The following GRM4 variants were observed in gnomAD, a reference collection of about 807,000 sequenced individuals.
GRM4 encodes the protein glutamate metabotropic receptor 4.
GRM4 carries 28 observed loss-of-function variants against 81.7 expected under a neutral mutation model. That is an observed-to-expected ratio of 0.34 (90% CI 0.25 to 0.47). The LOEUF (loss-of-function observed/expected upper bound fraction) is 0.47, where lower values mean the gene tolerates loss of function less well. Ranked by LOEUF, GRM4 falls within the 20% of genes least tolerant of loss-of-function variation. The pLI is 1.00. For synonymous variants in GRM4, 488 were observed against 528.8 expected (o/e 0.92, Z 1.06); for missense variants, 948 against 1,290.0 (o/e 0.73, Z 4.06).
At chr6:34,137,582 C>CTT (rs5875493) in intron 1 of GRM4, among the ~76,000 whole-genome samples, 44 of 149,928 alleles carry the variant, frequency 2.9e-4, no homozygotes, top group South Asian at 6.3e-4. Flanking sequence ...TTCTAAGTCC[C>CTT]TTTTTTTTCT....
At chr6:34,095,114 G>A (rs559967970) in intron 2 of GRM4, among the ~76,000 whole-genome samples, 2 of 152,332 alleles carry the variant, frequency 1.3e-5, no homozygotes, top group Admixed American at 6.5e-5. Flanking sequence ...TGCAGGATAT[G>A]CGCGTCAGCC....
rs539061349 is a variant in GRM4 at position 34,145,765 on chromosome 6, G to A, written c.-364+235C>T. ...GGCACGAGACCAATCCGGCAAGTTT[G>A]CGCTGAAAGTGCGGGCCAAGCTCAC... On this transcript the variant is annotated intron_variant, in intron 1 of 10. Coordinates refer to ENST00000538487, the MANE Select transcript of GRM4 (RefSeq NM_000841.4). 2.6e-5 allele frequency among the ~76,000 whole-genome samples: 4 copies of A among 152,300 alleles called. No homozygotes were observed. In the South Asian group the frequency reaches 6.2e-4, roughly 24 times the overall value.
intron 2 of GRM4, among the ~76,000 whole-genome samples, chr6:34,109,429 AG>A (rs1480035851): frequency 6.7e-6 from 1 of 148,320 alleles, no homozygotes; most frequent in African/African-American, 2.5e-5. Flanking sequence ...GGGTCCCTGC[AG>A]GGGCTGCCTC....
chr6:34,118,238 G>A (rs866368986), intron 2 of GRM4, among the ~76,000 whole-genome samples: 2 of 152,146 alleles, frequency 1.3e-5, no homozygotes, highest in South Asian at 2.1e-4. Context: ...TAACAGGAAG[G>A]GGCTAAGGGA....
intron 3 of GRM4, among the ~76,000 whole-genome samples, chr6:34,086,091 C>G (rs1266889924): frequency 6.6e-6 from 1 of 152,218 alleles, no homozygotes; most frequent in African/African-American, 2.4e-5. Context: ...GAACAGGCAC[C>G]CTTAATGTGA....
At chr6:34,150,673 A>T (rs1315779902), upstream of GRM4, among the ~76,000 whole-genome samples, 1 of 151,914 alleles carries the variant, frequency 6.6e-6, no homozygotes, top group East Asian at 1.9e-4. Context: ...TGATGCTTCC[A>T]CTTCCCTTCC....
chr6:34,033,835 T>G (rs948318051), intron 9 of GRM4, among the ~76,000 whole-genome samples: 1 of 152,154 alleles, frequency 6.6e-6, no homozygotes, highest in African/African-American at 2.4e-5. Flanking sequence ...TCTCCCAAGT[T>G]CAAGCATTTC....
rs1294358138 is a variant in GRM4 at position 34,042,214 on chromosome 6, T to A, written c.1169-1466A>T. Among the ~76,000 whole-genome samples, 1 of 152,192 alleles carries A rather than the reference T, an allele frequency of 6.6e-6. No individual in the cohort carries two copies. The highest frequency in any genetic ancestry group is 1.5e-5 in the Non-Finnish European group (1 of 68,034). On this transcript the variant is annotated intron_variant, in intron 6 of 10. Transcript: ENST00000538487. The surrounding 1 kb of genome is among the most constrained non-coding windows in gnomAD (Gnocchi z 4.2). Reference sequence around the variant, plus strand: ...CCGGGAGGCGGAGCTTGCAGTGAGCTGAGATTGCACCATTGCACTCCAGCC... The same window carrying A: ...CCGGGAGGCGGAGCTTGCAGTGAGCAGAGATTGCACCATTGCACTCCAGCC...
intron 2 of GRM4, among the ~76,000 whole-genome samples, chr6:34,104,220 T>C (rs1035732901): frequency 2.0e-5 from 3 of 152,184 alleles, no homozygotes; most frequent in Non-Finnish European, 4.4e-5. Flanking sequence ...CCAGGGAGGC[T>C]GCGGGACCCA....
chr6:34,091,487 A>C, intron 3 of GRM4: 1 of 196,924 alleles, frequency 5.1e-6, no homozygotes, highest in Non-Finnish European at 1.0e-5. Context: ...GGGGCTCCAA[A>C]TTCCTCATTC....
Position 34,094,849 on chromosome 6 carries a change from C to T in GRM4, c.520-2750G>A, listed in dbSNP as rs1320163008. Among the ~76,000 whole-genome samples, 3 of 152,288 alleles carry T rather than the reference C, an allele frequency of 2.0e-5. No homozygotes were observed. In the East Asian group the frequency reaches 5.8e-4, roughly 29 times the overall value. ...GCCGGCGGCAAATGGAAACAGAGGC[C>T]CCCCCAAGATGAAGTGGCTCCTTCT... On this transcript the variant is annotated intron_variant, in intron 2 of 10. Transcript: ENST00000538487.
chr6:34,139,238 C>T (rs926684965), intron 1 of GRM4, among the ~76,000 whole-genome samples: 1 of 152,248 alleles, frequency 6.6e-6, no homozygotes, highest in African/African-American at 2.4e-5. Context: ...CTGTCCCCTC[C>T]CTGTTCTGCC....
intron 10 of GRM4, among the ~76,000 whole-genome samples, chr6:34,025,542 C>T (rs1581578576): frequency 6.6e-6 from 1 of 152,302 alleles, no homozygotes; most frequent in East Asian, 1.9e-4. Context: ...CCCTACCTGT[C>T]TGCCCTAGAA....
At chr6:34,087,799 T>TATACACACACAC (rs369750900) in intron 3 of GRM4, among the ~76,000 whole-genome samples, 5 of 88,340 alleles carry the variant, frequency 5.7e-5, no homozygotes, top group Non-Finnish European at 1.1e-4. Flanking sequence ...CATGCACCCC[T>TATACACACACAC]ACACACACAC....
rs71000021 is a variant in GRM4, at chr6:34,069,167, T to TACACACACACACAC, written c.737-7153_737-7140dup. 3.3e-4 allele frequency among the ~76,000 whole-genome samples: 45 copies of TACACACACACACAC among 134,698 alleles called. No homozygotes were observed. Among genetic ancestry groups the TACACACACACACAC allele is most frequent in the Middle Eastern group, 7.3e-3 (2 of 274 alleles). The allele number at this position is 134,698 out of a possible 152,430, so 88.4% of individuals were successfully genotyped here. On this transcript the variant is annotated intron_variant, in intron 3 of 10. Transcript: ENST00000538487. The surrounding 1 kb of genome is among the most constrained non-coding windows in gnomAD (Gnocchi z 6.4). ...CTACCCCTGGACCCTCATGGGCGTA[T>TACACACACACACAC]ACACACACACACACACACACACACA... is the stretch of plus-strand genomic sequence containing the variant.
intron 2 of GRM4, chr6:34,110,938 T>G: frequency 1.0e-6 from 1 of 970,628 alleles, no homozygotes; most frequent in Non-Finnish European, 1.3e-6. Flanking sequence ...GAACAGCCTC[T>G]CTCCAGGGGA....
chr6:34,051,631 G>A (rs1765615303), intron 6 of GRM4, among the ~76,000 whole-genome samples: 1 of 152,170 alleles, frequency 6.6e-6, no homozygotes, highest in Admixed American at 6.5e-5. Flanking sequence ...TGGGCTCCCA[G>A]GGAGGGCCTG....
At chr6:34,066,414 C>T (rs9368791) in intron 3 of GRM4, among the ~76,000 whole-genome samples, 39,568 of 151,970 alleles carry the variant, frequency 0.26, 6,307 homozygotes, top group African/African-American at 0.44. Flanking sequence ...ATAAAATTGA[C>T]GGACAAAAGC....
rs557762386 is a variant in GRM4, at chr6:34,142,556, T to C, written c.-364+3444A>G. Reference sequence around the variant, plus strand: ...CTGCCAGCTGTCCCCCGCAGCAGGGTGGGGATGGGTGTGGCCACACATCCT... The same window carrying C: ...CTGCCAGCTGTCCCCCGCAGCAGGGCGGGGATGGGTGTGGCCACACATCCT... On this transcript the variant is annotated intron_variant, in intron 1 of 10. Transcript: ENST00000538487. 1.6e-3 allele frequency among the ~76,000 whole-genome samples: 245 copies of C among 152,182 alleles called. 2 individuals carry two copies. The highest frequency in any genetic ancestry group is 2.4e-3 in the Non-Finnish European group (165 of 67,994).
Sources: allele counts gnomAD v4.1 joint callset (sites outside exome capture counted in the v4.1 genomes callset), GRCh38; gene constraint gnomAD v4.1.1; non-coding constraint Gnocchi (gnomAD v3.1); transcripts MANE v1.5; gene names NCBI Gene and HGNC (gene_info 2026-07-23, HGNC 2026-07-21).